ZEB1: variants seen among roughly 807,000 people sequenced by gnomAD.
ZEB1 encodes zinc finger E-box-binding homeobox 1.
ZEB1 carries 21 observed loss-of-function variants against 84.9 expected under a neutral mutation model. That is an observed-to-expected ratio of 0.25 (90% CI 0.18 to 0.36). ZEB1 has a LOEUF of 0.36. Among genes scored for constraint, ZEB1 ranks in the 10% least tolerant of loss-of-function variants. ZEB1 has a pLI of 1.00. For synonymous variants in ZEB1, 420 were observed against 471.1 expected (o/e 0.89, Z 1.41); for missense variants, 1,104 against 1,330.2 (o/e 0.83, Z 2.65).
At chr10:31,473,258 G>C (rs1358135734) in intron 2 of ZEB1, among the ~76,000 whole-genome samples, 1 of 149,740 alleles carries the variant, frequency 6.7e-6, no homozygotes, top group Non-Finnish European at 1.5e-5. Context: ...AGGAAAAGAG[G>C]AAGTCAAATT....
In ZEB1 at chr10:31,446,253, G is replaced by A. The variant is rs983651104; in HGVS notation, c.59-14784G>A. The stretch of plus-strand genomic sequence containing the variant: ...TGGTAGTTTGTATTTCTGTGGGATC[G>A]GTGGTGATATCCCCTTTATCATTTT... On this transcript the variant is annotated intron_variant, in intron 1 of 8. Transcript: ENST00000424869. 4.9e-3 allele frequency among the ~76,000 whole-genome samples: 742 copies of A among 152,112 alleles called. 2 individuals are homozygous for A. Among genetic ancestry groups the A allele is most frequent in the Non-Finnish European group, 7.8e-3 (532 of 67,968 alleles).
intron 1 of ZEB1, chr10:31,387,252 C>A (rs1027084838): frequency 1.0e-5 from 10 of 985,632 alleles, no homozygotes; most frequent in Non-Finnish European, 1.2e-5. Flanking sequence ...GTGTCAGCCA[C>A]CTTGTTCTCT....
chr10:31,408,568 C>T (rs933659211), intron 1 of ZEB1, among the ~76,000 whole-genome samples: 57 of 148,242 alleles, frequency 3.8e-4, no homozygotes, highest in African/African-American at 1.4e-3. Context: ...TGGAACTGAA[C>T]AGAGCCCTCA....
intron 4 of ZEB1, among the ~76,000 whole-genome samples, chr10:31,506,543 T>A (rs1392326127): frequency 1.3e-5 from 2 of 152,208 alleles, no homozygotes; most frequent in East Asian, 3.9e-4. Flanking sequence ...TTATACTGTT[T>A]TGTTTACTGG....
chr10:31,384,142 A>G (rs1166334331), intron 1 of ZEB1, among the ~76,000 whole-genome samples: 3 of 151,684 alleles, frequency 2.0e-5, no homozygotes, highest in Admixed American at 6.6e-5. Context: ...CTCCTGACTA[A>G]TTTTTGTACT....
chr10:31,455,724 G>T (rs1342344759), intron 1 of ZEB1, among the ~76,000 whole-genome samples: 1 of 152,190 alleles, frequency 6.6e-6, no homozygotes, highest in East Asian at 1.9e-4. Flanking sequence ...TCTCACACCA[G>T]TTAGAATGGT....
chr10:31,398,502 C>G (rs779383458), intron 1 of ZEB1, among the ~76,000 whole-genome samples: 1 of 152,114 alleles, frequency 6.6e-6, no homozygotes, highest in Non-Finnish European at 1.5e-5. Flanking sequence ...CACCAACATA[C>G]AAATAATGTT....
At chr10:31,407,670 A>C (rs955848846) in intron 1 of ZEB1, among the ~76,000 whole-genome samples, 5 of 152,200 alleles carry the variant, frequency 3.3e-5, no homozygotes, top group African/African-American at 1.2e-4. Context: ...AGATGCAGAA[A>C]AGGCCTTTGA....
intron 1 of ZEB1, among the ~76,000 whole-genome samples, chr10:31,347,785 T>A (rs1248300391): frequency 6.6e-6 from 1 of 152,160 alleles, no homozygotes; most frequent in Non-Finnish European, 1.5e-5. Flanking sequence ...TCTGACAAGT[T>A]GGATTTTTAT....
At chr10:31,471,922 C>A (rs1487061146) in intron 2 of ZEB1, among the ~76,000 whole-genome samples, 2 of 141,800 alleles carry the variant, frequency 1.4e-5, no homozygotes, top group East Asian at 3.9e-4. Context: ...CAAAACCACT[C>A]AACTACATGG....
At chr10:31,403,859 A>G (rs1261227877) in intron 1 of ZEB1, among the ~76,000 whole-genome samples, 3 of 152,076 alleles carry the variant, frequency 2.0e-5, no homozygotes, top group Admixed American at 6.6e-5. Flanking sequence ...TGATAATGCT[A>G]ATTATATGGT....
intron 1 of ZEB1, among the ~76,000 whole-genome samples, chr10:31,345,917 A>T (rs1042923274): frequency 6.6e-6 from 1 of 152,194 alleles, no homozygotes; most frequent in African/African-American, 2.4e-5. Flanking sequence ...TAAAAGTCTC[A>T]GAGAAAATGA....
At chr10:31,449,446 T>G (rs2060258875) in intron 1 of ZEB1, among the ~76,000 whole-genome samples, 1 of 152,164 alleles carries the variant, frequency 6.6e-6, no homozygotes, top group Non-Finnish European at 1.5e-5. Context: ...TCTGCCTATA[T>G]TTTCTTCTAA....
chr10:31,444,097 C>T (rs61846176), intron 1 of ZEB1, among the ~76,000 whole-genome samples: 9 of 151,414 alleles, frequency 5.9e-5, no homozygotes, highest in Admixed American at 1.3e-4. Flanking sequence ...TTTTTAATGA[C>T]TGCCATTCTA....
At chr10:31,406,986 C>T (rs968381985) in intron 1 of ZEB1, among the ~76,000 whole-genome samples, 1 of 152,016 alleles carries the variant, frequency 6.6e-6, no homozygotes, top group Non-Finnish European at 1.5e-5. Context: ...TCAGGTTTGT[C>T]AAAGATCAGA....
chr10:31,409,488 A>G (rs2053811432), intron 1 of ZEB1, among the ~76,000 whole-genome samples: 1 of 152,084 alleles, frequency 6.6e-6, no homozygotes, highest in Non-Finnish European at 1.5e-5. Context: ...TGTCTTGGCT[A>G]TACGGGCTCT....
chr10:31,427,398 G>A (rs534407696), intron 1 of ZEB1, among the ~76,000 whole-genome samples: 1 of 152,200 alleles, frequency 6.6e-6, no homozygotes, highest in East Asian at 1.9e-4. Flanking sequence ...AAAAGGGAAG[G>A]ACTGAAAAGT....
At chr10:31,489,022 T>C (rs560670642) in intron 2 of ZEB1, among the ~76,000 whole-genome samples, 1 of 151,478 alleles carries the variant, frequency 6.6e-6, no homozygotes, top group South Asian at 2.1e-4. Context: ...ATATCCTTGC[T>C]AATTTTTTGT....
intron 1 of ZEB1, among the ~76,000 whole-genome samples, chr10:31,353,370 T>C (rs1047118143): frequency 2.6e-5 from 4 of 152,262 alleles, no homozygotes; most frequent in African/African-American, 7.2e-5. Flanking sequence ...ACATAATTTA[T>C]AGATCTTCTA....
Sources: allele counts gnomAD v4.1 joint callset (sites outside exome capture counted in the v4.1 genomes callset), GRCh38; gene constraint gnomAD v4.1.1; transcripts MANE v1.5; gene names NCBI Gene and HGNC (gene_info 2026-07-23, HGNC 2026-07-21).